The following COL24A1 variants were observed in gnomAD, a reference collection of about 807,000 sequenced individuals.
The protein encoded by COL24A1 is collagen alpha-1(XXIV) chain.
A neutral mutation model predicts 253.9 loss-of-function variants in COL24A1; 224 were observed. The observed-to-expected ratio is 0.88, with a 90% CI of 0.79 to 0.99. COL24A1 has a LOEUF of 0.99. Among genes scored for constraint, COL24A1 ranks in the 50% least tolerant of loss-of-function variants. COL24A1 has a pLI of 0.00. For synonymous variants in COL24A1, 685 were observed against 673.7 expected, an observed-to-expected ratio of 1.02 and a Z score of -0.26; for missense variants, 2,131 against 2,068.5, an observed-to-expected ratio of 1.03 and a Z score of -0.59.
chr1:85,986,629 A>G (rs911990207), intron 20 of COL24A1, among the ~76,000 whole-genome samples: 1 of 151,912 alleles, frequency 6.6e-6, no homozygotes, highest in African/African-American at 2.4e-5. Context: ...TAAAATGGGA[A>G]TAACTACCTC....
chr1:86,092,524 A>C (rs1703576670), intron 5 of COL24A1, among the ~76,000 whole-genome samples: 1 of 151,940 alleles, frequency 6.6e-6, no homozygotes. Flanking sequence ...GATTCCTAAA[A>C]GTTCTCTAGA....
chr1:86,039,949 T>G (rs1699332127), intron 12 of COL24A1, among the ~76,000 whole-genome samples: 1 of 152,176 alleles, frequency 6.6e-6, no homozygotes, highest in Admixed American at 6.5e-5. Flanking sequence ...TAATTGAGAC[T>G]AATTCTAAAC....
chr1:86,009,028 T>G (rs567565), intron 19 of COL24A1, among the ~76,000 whole-genome samples: 27,663 of 152,138 alleles, frequency 0.18, 3,200 homozygotes, highest in African/African-American at 0.32. Flanking sequence ...ACATCATAAA[T>G]ATCCCAGGGC....
At chr1:86,141,934 GA>G (rs1651155368) in intron 2 of COL24A1, among the ~76,000 whole-genome samples, 1 of 151,790 alleles carries the variant, frequency 6.6e-6, no homozygotes, top group Non-Finnish European at 1.5e-5. Context: ...CCTGACCTCA[GA>G]TAATGTACCC....
chr1:86,116,944 A>T (rs569814420), intron 3 of COL24A1, among the ~76,000 whole-genome samples: 1 of 151,930 alleles, frequency 6.6e-6, no homozygotes, highest in Non-Finnish European at 1.5e-5. Flanking sequence ...TATTTTACTC[A>T]TTGTCAAGAA....
chr1:86,062,724 T>C (rs908942938), intron 8 of COL24A1, among the ~76,000 whole-genome samples: 1 of 152,132 alleles, frequency 6.6e-6, no homozygotes, highest in Admixed American at 6.5e-5. Flanking sequence ...CAAATGCTTT[T>C]CAGTACATGT....
chr1:85,831,799 T>C (rs1675322439), intron 43 of COL24A1, among the ~76,000 whole-genome samples: 1 of 152,038 alleles, frequency 6.6e-6, no homozygotes, highest in African/African-American at 2.4e-5. Context: ...ACATGTTAGG[T>C]AGAAAATGGA....
At chr1:86,022,159 A>T in intron 18 of COL24A1, 81 bp downstream of exon 18, 2 of 1,198,900 alleles carry the variant, frequency 1.7e-6, no homozygotes, top group South Asian at 1.2e-5. Flanking sequence ...CTTATACCCT[A>T]CTTAGATCAA....
At chr1:86,000,171 CTTCCATCT>C (rs1695261799) in intron 19 of COL24A1, among the ~76,000 whole-genome samples, 1 of 152,060 alleles carries the variant, frequency 6.6e-6, no homozygotes, top group South Asian at 2.1e-4. Context: ...TCTGTAAACC[CTTCCATCT>C]TCTCTATGAA....
At chr1:86,058,032 A>G in intron 9 of COL24A1, 57 bp from the exon 10 acceptor site, 2 of 1,410,616 alleles carry the variant, frequency 1.4e-6, no homozygotes, top group Non-Finnish European at 2.0e-6. Context: ...AGAGTTAATA[A>G]ATAGATTAAT....
intron 32 of COL24A1, among the ~76,000 whole-genome samples, chr1:85,878,582 C>T (rs905420856): frequency 1.3e-5 from 2 of 152,198 alleles, no homozygotes; most frequent in African/African-American, 4.8e-5. Context: ...GTTTTCAACT[C>T]ATTTGGGTAA....
Position 85,838,639 on chromosome 1 carries a change from C to G in COL24A1, c.3628-1G>C. The G allele has an allele frequency of 6.2e-7, 1 of 1,613,776 alleles. No homozygotes were observed. Among genetic ancestry groups the G allele is most frequent in the African/African-American group, 1.3e-5 (1 of 75,040 alleles). On this transcript the variant is annotated splice_acceptor_variant, in intron 42 of 59. Transcript: ENST00000370571. LOFTEE classifies it high-confidence loss of function. ...TCTCTCCTTGGTCCCCCACTGGACC[C>G]TACAGAGACCACACACAAAACAATC...
intron 20 of COL24A1, among the ~76,000 whole-genome samples, chr1:85,986,771 A>G (rs1049332086): frequency 1.3e-5 from 2 of 151,816 alleles, no homozygotes; most frequent in Admixed American, 6.6e-5. Context: ...GATCCTTTCC[A>G]GCTTCATCTC....
At chr1:86,070,436 G>T (rs1701798798) in intron 7 of COL24A1, among the ~76,000 whole-genome samples, 1 of 152,136 alleles carries the variant, frequency 6.6e-6, no homozygotes, top group African/African-American at 2.4e-5. Context: ...TAATATCAGA[G>T]AACTCCCCAA....
intron 47 of COL24A1, among the ~76,000 whole-genome samples, chr1:85,794,479 A>G (rs1040129854): frequency 6.6e-6 from 1 of 152,200 alleles, no homozygotes; most frequent in African/African-American, 2.4e-5. Context: ...GTGCCATCAG[A>G]TATTTAACCC....
intron 47 of COL24A1, among the ~76,000 whole-genome samples, chr1:85,799,326 GA>G (rs1192395452): frequency 1.8e-4 from 25 of 142,176 alleles, no homozygotes; most frequent in African/African-American, 6.3e-4. Flanking sequence ...TTTCTCAGTG[GA>G]AAAACCCAGC....
chr1:85,880,496 T>C (rs1211430859), intron 32 of COL24A1, among the ~76,000 whole-genome samples: 1 of 152,054 alleles, frequency 6.6e-6, no homozygotes, highest in African/African-American at 2.4e-5. Flanking sequence ...CTTTCCAAAT[T>C]TGTATACTTT....
At chr1:85,913,577 A>G (rs1436171318) in intron 24 of COL24A1, among the ~76,000 whole-genome samples, 1 of 152,158 alleles carries the variant, frequency 6.6e-6, no homozygotes, top group Non-Finnish European at 1.5e-5. Context: ...AGAAGTTAAG[A>G]CTGCCATCCG....
chr1:86,122,611 A>G (rs776788440), intron 3 of COL24A1, among the ~76,000 whole-genome samples: 15 of 151,954 alleles, frequency 9.9e-5, no homozygotes, highest in African/African-American at 1.9e-4. Context: ...TAATAATGAT[A>G]TCACCATTCT....
Sources: allele counts gnomAD v4.1 joint callset (sites outside exome capture counted in the v4.1 genomes callset), GRCh38; gene constraint gnomAD v4.1.1; transcripts MANE v1.5; gene names NCBI Gene and HGNC (gene_info 2026-07-23, HGNC 2026-07-21).